TMEM45A: variants seen among roughly 807,000 people sequenced by gnomAD.
TMEM45A encodes DNA polymerase-transactivated protein 4.
A neutral mutation model predicts 32.0 loss-of-function variants in TMEM45A; 25 were observed. The observed-to-expected ratio is 0.78, with a 90% CI of 0.57 to 1.09. The LOEUF is 1.09. TMEM45A is among the 50% of genes least tolerant of loss of function. The probability of loss-of-function intolerance (pLI) is 0.00; values close to 1 mark genes in which losing one functional copy is unlikely to be tolerated. For missense variants in TMEM45A, 302 were observed against 325.0 expected (o/e 0.93, Z 0.54); for synonymous variants, 122 against 114.8 (o/e 1.06, Z -0.40).
intron 1 of TMEM45A, chr3:100,519,726 A>G: frequency 9.4e-7 from 1 of 1,062,758 alleles, no homozygotes; most frequent in Non-Finnish European, 1.4e-6. Flanking sequence ...ACATTGTGCA[A>G]GTAACTTATT....
chr3:100,549,482 C>T (rs1706048968), intron 1 of TMEM45A, among the ~76,000 whole-genome samples: 1 of 152,150 alleles, frequency 6.6e-6, no homozygotes, highest in African/African-American at 2.4e-5. Context: ...AGGCTAGTGG[C>T]CTGGTAGGTG....
rs185819549 is a variant in TMEM45A at position 100,568,867 on chromosome 3, C to G, written c.634C>G (p.Leu212Val). Reference sequence around the variant, plus strand: ...CCCCAGTGGAGGTCCTGCATGGGATCTGATGGATCATGAAAATATTTTGTT... The same window carrying G: ...CCCCAGTGGAGGTCCTGCATGGGATGTGATGGATCATGAAAATATTTTGTT... ...YPPSGGPAWDLMDHENILFLT... is the reference protein window; with the variant it reads ...YPPSGGPAWDVMDHENILFLT... The change falls in exon 5 of 6, where the codon CTG (leucine) becomes GTG (valine). Residue 212 changes from leucine (L) to valine (V), a missense_variant. By Grantham distance (32) the Leu-to-Val change is conservative. Coordinates refer to ENST00000323523, the MANE Select transcript of TMEM45A (RefSeq NM_018004.3). The G allele has an allele frequency of 1.2e-6, 2 of 1,613,838 alleles. No homozygotes were observed. Among genetic ancestry groups the G allele is most frequent in the African/African-American group, 2.7e-5 (2 of 75,028 alleles).
At chr3:100,533,275 A>G (rs1413153449) in intron 1 of TMEM45A, among the ~76,000 whole-genome samples, 1 of 152,118 alleles carries the variant, frequency 6.6e-6, no homozygotes, top group Non-Finnish European at 1.5e-5. Flanking sequence ...CCTTACCCCA[A>G]GAGACTCTGA....
chr3:100,558,813 C>T (rs76700808), intron 4 of TMEM45A, among the ~76,000 whole-genome samples: 1,744 of 152,226 alleles, frequency 0.011, 25 homozygotes, highest in African/African-American at 0.039. Context: ...CACACCTGGA[C>T]ATCCATTATG....
chr3:100,548,191 C>G (rs1238307223), intron 1 of TMEM45A, among the ~76,000 whole-genome samples: 1 of 152,166 alleles, frequency 6.6e-6, no homozygotes, highest in Non-Finnish European at 1.5e-5. Flanking sequence ...ACACTCATCT[C>G]TGGTCACATG....
chr3:100,518,030 G>A (rs886772919), intron 1 of TMEM45A, among the ~76,000 whole-genome samples: 1 of 152,210 alleles, frequency 6.6e-6, no homozygotes, highest in African/African-American at 2.4e-5. Flanking sequence ...TTGATTGGGC[G>A]TGGTTATGGG....
chr3:100,532,816 T>C (rs574041108), intron 1 of TMEM45A, among the ~76,000 whole-genome samples: 1 of 152,320 alleles, frequency 6.6e-6, no homozygotes, highest in African/African-American at 2.4e-5. Flanking sequence ...AGTCTCTCTC[T>C]TGTCAAATGT....
intron 1 of TMEM45A, among the ~76,000 whole-genome samples, chr3:100,551,990 G>A (rs937293564): frequency 6.6e-6 from 1 of 152,160 alleles, no homozygotes; most frequent in African/African-American, 2.4e-5. Context: ...GGGGCAGCAG[G>A]AGCCTCTTAG....
intron 1 of TMEM45A, among the ~76,000 whole-genome samples, chr3:100,539,479 G>C (rs1559644562): frequency 1.4e-5 from 2 of 139,860 alleles, no homozygotes; most frequent in African/African-American, 5.8e-5. Flanking sequence ...ATATGTATAT[G>C]TATATGTATA....
intron 1 of TMEM45A, among the ~76,000 whole-genome samples, chr3:100,547,750 T>C (rs971496513): frequency 9.2e-5 from 14 of 152,196 alleles, no homozygotes; most frequent in African/African-American, 1.9e-4. Flanking sequence ...GTATGTAAAG[T>C]TATTAGTATA....
chr3:100,519,989 T>C (rs1705405084), intron 1 of TMEM45A, among the ~76,000 whole-genome samples: 1 of 152,188 alleles, frequency 6.6e-6, no homozygotes, highest in African/African-American at 2.4e-5. Flanking sequence ...CATCCATTTA[T>C]CCACTCAACA....
chr3:100,498,161 T>A (rs1707958005), intron 1 of TMEM45A, among the ~76,000 whole-genome samples: 1 of 152,192 alleles, frequency 6.6e-6, no homozygotes, highest in Non-Finnish European at 1.5e-5. Context: ...GTGAAGAAGG[T>A]CCTTGCTTAC....
At chr3:100,549,238 T>G (rs777619163) in intron 1 of TMEM45A, among the ~76,000 whole-genome samples, 49 of 142,196 alleles carry the variant, frequency 3.4e-4, no homozygotes, top group South Asian at 4.5e-4. Context: ...CAGAGTGAGA[T>G]CCTGTCTCAA....
At chr3:100,520,148 A>G (rs531674208) in intron 1 of TMEM45A, among the ~76,000 whole-genome samples, 1 of 152,342 alleles carries the variant, frequency 6.6e-6, no homozygotes, top group South Asian at 2.1e-4. Context: ...GTCAGTAATT[A>G]TGGGTATATT....
chr3:100,576,026 A>G (rs1385839512), intron 5 of TMEM45A, among the ~76,000 whole-genome samples: 1 of 152,214 alleles, frequency 6.6e-6, no homozygotes, highest in African/African-American at 2.4e-5. Flanking sequence ...GAAATGATCA[A>G]AGTTGGCTGG....
intron 1 of TMEM45A, among the ~76,000 whole-genome samples, chr3:100,552,093 T>G (rs891802503): frequency 2.0e-5 from 3 of 152,206 alleles, no homozygotes; most frequent in African/African-American, 4.8e-5. Context: ...ATCTATGACA[T>G]AGGCAATATG....
At chr3:100,523,050 C>T (rs569767400) in intron 1 of TMEM45A, among the ~76,000 whole-genome samples, 2 of 152,292 alleles carry the variant, frequency 1.3e-5, no homozygotes, top group East Asian at 3.9e-4. Flanking sequence ...GCTCTGTGGC[C>T]AAACTCTAAT....
chr3:100,543,841 G>A (rs1471466266), intron 1 of TMEM45A, among the ~76,000 whole-genome samples: 1 of 152,134 alleles, frequency 6.6e-6, no homozygotes, highest in African/African-American at 2.4e-5. Context: ...CCAAGGATGG[G>A]TATGAATCCC....
intron 1 of TMEM45A, among the ~76,000 whole-genome samples, chr3:100,517,226 C>G (rs1254472513): frequency 6.6e-6 from 1 of 152,146 alleles, no homozygotes; most frequent in Non-Finnish European, 1.5e-5. Context: ...AAGCGATTCT[C>G]CTGCCTTAGC....
Sources: gnomAD v4.1 joint callset for allele counts (sites outside exome capture counted in the v4.1 genomes callset) on GRCh38, gnomAD v4.1.1 for gene constraint, MANE v1.5 for transcripts, NCBI Gene and HGNC (gene_info 2026-07-23, HGNC 2026-07-21) for gene names.